Variants in CLUL1 observed in about 807,000 individuals in gnomAD.
CLUL1 encodes clusterin like 1, also known as clusterin-like protein 1.
Under a neutral mutation model 49.4 loss-of-function variants are expected in CLUL1, and 43 were observed. The ratio of observed to expected loss-of-function variants is 0.87; its 90% CI spans 0.68 to 1.12. The LOEUF is 1.12. CLUL1 is among the 50% of genes most tolerant of loss of function. The pLI is 0.00. For missense variants in CLUL1, 486 were observed against 544.4 expected, an observed-to-expected ratio of 0.89 and a Z score of 1.07; for synonymous variants, 192 against 184.9, an observed-to-expected ratio of 1.04 and a Z score of -0.31.
In CLUL1 at chr18:598,345, G is replaced by T. The variant is rs372762573; in HGVS notation, c.-136+1216G>T. On this transcript the variant is annotated intron_variant, in intron 1 of 9. Transcript: ENST00000692774. The stretch of plus-strand genomic sequence containing the variant: ...AAAGTCACGATGATCTGTTTTTCCA[G>T]GTCCCTCAAACAGTGAGATGTGGCT... 1.7e-4 allele frequency: 66 copies of T among 389,340 alleles called. 1 individual carries two copies. Among genetic ancestry groups the T allele is most frequent in the African/African-American group, 1.3e-3 (61 of 48,516 alleles). 24.1% of individuals were successfully genotyped at this position (389,340 alleles called of 1,614,324 possible). A position where few individuals can be genotyped will look rare whatever the true frequency, so the allele number is the denominator to read the frequency against.
chr18:633,519 T>C lies in CLUL1; in HGVS notation c.994+84T>C, dbSNP rs2074046030. 5 of 1,190,276 alleles carry C rather than the reference T, an allele frequency of 4.2e-6. No homozygotes were observed. The South Asian group carries it at 5.8e-5, about 14-fold the overall frequency. The allele number at this position is 1,190,276 out of a possible 1,614,324, so 73.7% of individuals were successfully genotyped here. On this transcript the variant is annotated intron_variant, in intron 7 of 9. Transcript: ENST00000692774. ...TAAAGTTTCGGTGCCACAAAAGAAA[T>C]AGCACTCGAATATAAAATTTTCTTT... is the stretch of plus-strand genomic sequence containing the variant.
chr18:616,515 A>G (rs2073297420), intron 2 of CLUL1, among the ~76,000 whole-genome samples: 1 of 152,230 alleles, frequency 6.6e-6, no homozygotes, highest in African/African-American at 2.4e-5. Flanking sequence ...GTATATAGGA[A>G]GGTAGCCCAA....
chr18:623,150 A>G (rs1270212492), intron 4 of CLUL1, among the ~76,000 whole-genome samples: 4 of 151,296 alleles, frequency 2.6e-5, no homozygotes, highest in Admixed American at 6.6e-5. Flanking sequence ...CTCCTGCTTC[A>G]GCCTCTGAAG....
intron 4 of CLUL1, among the ~76,000 whole-genome samples, chr18:620,709 A>C (rs1004961): frequency 0.75 from 113,625 of 152,114 alleles, 42,825 homozygotes; most frequent in Middle Eastern, 0.87. Flanking sequence ...ATATTTTATC[A>C]ATGGAGAATA....
At position 627,174 on chromosome 18, in the gene CLUL1, T is replaced by C. The variant is rs181606548; in HGVS notation, c.501T>C (p.Ser167=). ...HEDNEKDLPI[S]EKLIEEDAQL... is the part of the protein sequence containing the mutation. ...ATAATGAAAAAGATCTCCCCATCAGTGAAAAGCTCATTGAGGAAGATGCAC... is the reference window on the plus strand; with the variant it reads ...ATAATGAAAAAGATCTCCCCATCAGCGAAAAGCTCATTGAGGAAGATGCAC... Residue 167 remains serine, a synonymous_variant, in exon 6 of 10, where the codon AGT becomes AGC. Transcript: ENST00000692774. 80 of 1,613,304 alleles carry C rather than the reference T, an allele frequency of 5.0e-5. No individual in the cohort carries two copies. In the Admixed American group the frequency reaches 1.3e-3, roughly 27 times the overall value.
chr18:610,018 A>G (rs952819675), intron 2 of CLUL1, among the ~76,000 whole-genome samples: 4 of 152,156 alleles, frequency 2.6e-5, no homozygotes, highest in African/African-American at 9.7e-5. Flanking sequence ...AACTTGGCCA[A>G]TTATGGATTA....
intron 1 of CLUL1, chr18:598,435 T>C (rs1254440564): frequency 2.5e-6 from 1 of 397,644 alleles, no homozygotes; most frequent in Non-Finnish European, 4.4e-6. Flanking sequence ...GTCTTCCTTC[T>C]TTCGACAGCC....
At chr18:625,614 T>A (rs929281688) in intron 5 of CLUL1, among the ~76,000 whole-genome samples, 1 of 151,992 alleles carries the variant, frequency 6.6e-6, no homozygotes, top group Non-Finnish European at 1.5e-5. Context: ...CATGTTTTCT[T>A]TTTTGTACCC....
At chr18:626,650 G>A (rs549153798) in intron 5 of CLUL1, among the ~76,000 whole-genome samples, 1 of 151,234 alleles carries the variant, frequency 6.6e-6, no homozygotes, top group African/African-American at 2.4e-5. Context: ...CCTGAGCTCA[G>A]GAGTTCGAGA....
intron 2 of CLUL1, among the ~76,000 whole-genome samples, chr18:608,285 T>C (rs2143944663): frequency 6.6e-6 from 1 of 152,276 alleles, no homozygotes; most frequent in Non-Finnish European, 1.5e-5. Context: ...CTCACTGAGC[T>C]CCAGAATCAT....
At chr18:597,270 C>T (rs72865420) in intron 1 of CLUL1, 141 bp downstream of exon 1, 36,895 of 152,642 alleles carry the variant, frequency 0.24, 5,670 homozygotes, top group Non-Finnish European at 0.34. Flanking sequence ...AACAAAGCCA[C>T]TGTTCTTGCC....
At position 607,058 on chromosome 18, in the gene CLUL1, G is replaced by T; in HGVS notation, c.-55G>T. 1 of 701,800 alleles carries T rather than the reference G, an allele frequency of 1.4e-6. No homozygotes were observed. The highest frequency in any genetic ancestry group is 2.6e-6 in the Non-Finnish European group (1 of 384,666). The allele number at this position is 701,800 out of a possible 1,614,324, so 43.5% of individuals were successfully genotyped here. On this transcript the variant is annotated 5_prime_UTR_variant, in exon 2 of 10. Transcript: ENST00000692774. Reference sequence around the variant, plus strand: ...TGAAGCCTCAAATTCCTGGGTTCAAGTGACCCTCCTACCTCAGCCCCATGA... The same window carrying T: ...TGAAGCCTCAAATTCCTGGGTTCAATTGACCCTCCTACCTCAGCCCCATGA...
intron 7 of CLUL1, among the ~76,000 whole-genome samples, chr18:634,693 C>G (rs966371429): frequency 6.6e-6 from 1 of 152,074 alleles, no homozygotes; most frequent in Non-Finnish European, 1.5e-5. Context: ...TTGGCTCTTT[C>G]CCATTGGTGG....
rs182540478 is a variant in CLUL1, at chr18:642,549, C to T, written c.1209+1008C>T. Among the ~76,000 whole-genome samples the T allele has an allele frequency of 2.6e-3, 390 of 152,292 alleles. 1 individual carries two copies. Among genetic ancestry groups the T allele is most frequent in the African/African-American group, 9.0e-3 (374 of 41,564 alleles). ...AGTGACTTTTCTTCCTAAGACATCC[C>T]CCCTCCAACACACACACATTACCTT... is the stretch of plus-strand genomic sequence containing the variant. On this transcript the variant is annotated intron_variant, in intron 8 of 9. Coordinates refer to ENST00000692774, the MANE Select transcript of CLUL1 (RefSeq NM_001393344.1).
intron 2 of CLUL1, 64 bp from the exon 3 acceptor site, chr18:617,924 A>G (rs576627534): frequency 6.4e-5 from 90 of 1,403,762 alleles, no homozygotes; most frequent in Non-Finnish European, 7.8e-5. Flanking sequence ...GGTGTTTTCA[A>G]TTGATGCCAA....
At chr18:607,999 A>C (rs2073028897) in intron 2 of CLUL1, among the ~76,000 whole-genome samples, 1 of 152,332 alleles carries the variant, frequency 6.6e-6, no homozygotes, top group Admixed American at 6.5e-5. Flanking sequence ...CTGAGCAGTC[A>C]TCAGTTGCAC....
rs545527147 is a variant in CLUL1 at position 641,430 on chromosome 18, G to A, written c.1098G>A (p.Lys366=). The change falls in exon 8 of 10, where the codon AAG becomes AAA. Residue 366 remains lysine, a synonymous_variant. Transcript: ENST00000692774. ...GCCAGATTCTCCAGATGACCCGGAA[G>A]CACTTGGAGGACACCGCCTATCTGG... is the stretch of plus-strand genomic sequence containing the variant. ...QYGQILQMTR[K]HLEDTAYLVE... The A allele has an allele frequency of 3.0e-5, 49 of 1,614,098 alleles. No individual in the cohort carries two copies. The highest frequency in any genetic ancestry group is 4.2e-5 in the Non-Finnish European group (49 of 1,180,042).
chr18:646,473 A>T (rs904325944), intron 9 of CLUL1, among the ~76,000 whole-genome samples: 4 of 147,670 alleles, frequency 2.7e-5, no homozygotes, highest in African/African-American at 1.0e-4. Flanking sequence ...TTCCTATCCA[A>T]CAGGGGCACA....
intron 9 of CLUL1, among the ~76,000 whole-genome samples, chr18:646,723 G>C (rs2074518791): frequency 6.7e-6 from 1 of 149,632 alleles, no homozygotes. Context: ...CTCCCACTCT[G>C]TCCTCTCCCT....
Sources: gnomAD v4.1 joint callset for allele counts (sites outside exome capture counted in the v4.1 genomes callset) on GRCh38, gnomAD v4.1.1 for gene constraint, MANE v1.5 for transcripts, NCBI Gene and HGNC (gene_info 2026-07-23, HGNC 2026-07-21) for gene names.